ALX1: variants seen among roughly 807,000 people sequenced by gnomAD.
The protein encoded by ALX1 is ALX homeobox protein 1.
In ALX1, 19 loss-of-function variants were observed where a neutral mutation model predicts 31.7. The ratio of observed to expected loss-of-function variants is 0.60; its 90% CI spans 0.42 to 0.88. The LOEUF (loss-of-function observed/expected upper bound fraction) is 0.88. Ranked by LOEUF, ALX1 falls within the 40% of genes least tolerant of loss-of-function variation. The pLI is 0.00. For missense variants in ALX1, 415 were observed against 407.8 expected, an observed-to-expected ratio of 1.02 and a Z score of -0.15; for synonymous variants, 153 against 148.8, an observed-to-expected ratio of 1.03 and a Z score of -0.20.
intron 1 of ALX1, among the ~76,000 whole-genome samples, chr12:85,283,310 CAT>C (rs1896703296): frequency 6.6e-6 from 1 of 152,114 alleles, no homozygotes; most frequent in Non-Finnish European, 1.5e-5. Flanking sequence ...AAGTAAAAAA[CAT>C]GTGCATAAAC....
In ALX1 at chr12:85,300,749, T is replaced by A. The variant is rs563202024; in HGVS notation, c.661-406T>A. Among the ~76,000 whole-genome samples the A allele has an allele frequency of 1.1e-3, 169 of 152,206 alleles. 1 individual carries two copies. Among genetic ancestry groups the A allele is most frequent in the African/African-American group, 2.8e-3 (116 of 41,546 alleles). On this transcript the variant is annotated intron_variant, in intron 3 of 3. Coordinates refer to ENST00000316824, the MANE Select transcript of ALX1 (RefSeq NM_006982.3). The stretch of plus-strand genomic sequence containing the variant: ...CAGGAGTCCCAGTTAGAATTTTTTT[T>A]AAAAATGCATTTGTGTCATTTTGTT...
chr12:85,294,226 TA>T (rs1253636157), intron 3 of ALX1, among the ~76,000 whole-genome samples: 1 of 151,170 alleles, frequency 6.6e-6, no homozygotes, highest in Admixed American at 6.6e-5. Context: ...TTTTTATCTT[TA>T]TTTCTTATAT....
chr12:85,287,422 AC>A, intron 3 of ALX1, among the ~76,000 whole-genome samples: 1 of 149,024 alleles, frequency 6.7e-6, no homozygotes, highest in South Asian at 2.1e-4. Flanking sequence ...TAAGCCCTTA[AC>A]TCCATTTAAA....
chr12:85,290,234 C>T (rs980322347), intron 3 of ALX1, among the ~76,000 whole-genome samples: 1 of 151,142 alleles, frequency 6.6e-6, no homozygotes, highest in Admixed American at 6.6e-5. Flanking sequence ...ATAGTAGCAA[C>T]AGCTGTAACA....
intron 2 of ALX1, 27 bp downstream of exon 2, chr12:85,283,903 G>T: frequency 6.2e-7 from 1 of 1,609,022 alleles, no homozygotes; most frequent in African/African-American, 1.3e-5. Context: ...GGCCTTGATG[G>T]ATGGGATAGG....
intron 3 of ALX1, among the ~76,000 whole-genome samples, chr12:85,294,679 G>A (rs553691936): frequency 9.9e-5 from 15 of 150,834 alleles, no homozygotes; most frequent in Non-Finnish European, 1.5e-4. Context: ...ATTAAGCTTC[G>A]TGCTTTTAAT....
At position 85,286,289 on chromosome 12, in the gene ALX1, T is replaced by C. The variant is rs184446671; in HGVS notation, c.532-564T>C. ...CTCATTTTTTCCTATTTCTAGATAA[T>C]CATGATGTTCCTGCTGCTGCCATAT... is the stretch of plus-strand genomic sequence containing the variant. On this transcript the variant is annotated intron_variant, in intron 2 of 3. Transcript: ENST00000316824. Among the ~76,000 whole-genome samples, 4 of 152,058 alleles carry C rather than the reference T, an allele frequency of 2.6e-5. No individual in the cohort carries two copies. In the East Asian group the frequency reaches 7.7e-4, roughly 29 times the overall value.
At chr12:85,295,047 A>T (rs10779154) in intron 3 of ALX1, among the ~76,000 whole-genome samples, 148,296 of 151,240 alleles carry the variant, frequency 0.98, 72,773 homozygotes, top group Middle Eastern at 1. Flanking sequence ...ATCTAATGAG[A>T]AGACACTGAT....
intron 2 of ALX1, among the ~76,000 whole-genome samples, chr12:85,286,068 C>T (rs1896742488): frequency 6.6e-6 from 1 of 151,750 alleles, no homozygotes; most frequent in Non-Finnish European, 1.5e-5. Flanking sequence ...TTCTATCTGC[C>T]CTATTTCTTA....
intron 1 of ALX1, among the ~76,000 whole-genome samples, chr12:85,280,700 G>A (rs1376728369): frequency 6.6e-6 from 1 of 152,192 alleles, no homozygotes; most frequent in Non-Finnish European, 1.5e-5. Flanking sequence ...GAGAGATCCA[G>A]CACCGGGTTG....
At chr12:85,298,664 G>A (rs1056892332) in intron 3 of ALX1, among the ~76,000 whole-genome samples, 1 of 151,534 alleles carries the variant, frequency 6.6e-6, no homozygotes, top group Non-Finnish European at 1.5e-5. Flanking sequence ...TCTACCTATG[G>A]GAATAAATGA....
At chr12:85,289,894 G>C (rs1896796337) in intron 3 of ALX1, among the ~76,000 whole-genome samples, 1 of 151,136 alleles carries the variant, frequency 6.6e-6, no homozygotes, top group Non-Finnish European at 1.5e-5. Flanking sequence ...ATAGGAACTT[G>C]TAATGGGAGA....
At chr12:85,300,096 T>C (rs73165951) in intron 3 of ALX1, among the ~76,000 whole-genome samples, 4,249 of 152,086 alleles carry the variant, frequency 0.028, 96 homozygotes, top group Non-Finnish European at 0.045. Context: ...CTCCTGCCAT[T>C]TGTCATGATT....
At position 85,280,317 on chromosome 12, in the gene ALX1, A is replaced by T; in HGVS notation, c.56A>T (p.Asp19Val). Residue 19 changes from aspartate (D) to valine (V), a missense_variant, in exon 1 of 4, where the codon GAC (aspartate) becomes GTC (valine). Physicochemically the swap from Asp to Val is radical, Grantham distance 152. Coordinates refer to ENST00000316824, the MANE Select transcript of ALX1 (RefSeq NM_006982.3). ...AAGAGCCCTCCGAGTAAAAACAGTGACTTTTACATGGGCGCAGGAGGTCCT... is the reference window on the plus strand; with the variant it reads ...AAGAGCCCTCCGAGTAAAAACAGTGTCTTTTACATGGGCGCAGGAGGTCCT... The part of the protein sequence containing the change: ...ALKSPPSKNS[D>V]FYMGAGGPLE... The T allele has an allele frequency of 6.2e-7, 1 of 1,613,784 alleles. No individual in the cohort carries two copies. The highest frequency in any genetic ancestry group is 1.1e-5 in the South Asian group (1 of 91,080).
chr12:85,289,036 A>G (rs558844039), intron 3 of ALX1, among the ~76,000 whole-genome samples: 2 of 151,512 alleles, frequency 1.3e-5, no homozygotes, highest in South Asian at 4.1e-4. Context: ...AGTATATTCC[A>G]CAACACTTGA....
chr12:85,295,773 T>A (rs1393803696), intron 3 of ALX1, among the ~76,000 whole-genome samples: 1 of 151,472 alleles, frequency 6.6e-6, no homozygotes, highest in Admixed American at 6.6e-5. Flanking sequence ...ATATGATCGA[T>A]GTTGGTGGCA....
chr12:85,283,165 C>T (rs1435967766), intron 1 of ALX1, among the ~76,000 whole-genome samples: 1 of 152,160 alleles, frequency 6.6e-6, no homozygotes, highest in East Asian at 1.9e-4. Flanking sequence ...TTCTGAGCCA[C>T]ATTAGTAGCT....
intron 2 of ALX1, among the ~76,000 whole-genome samples, chr12:85,285,426 C>T (rs529095923): frequency 7.2e-5 from 11 of 152,052 alleles, no homozygotes; most frequent in African/African-American, 9.6e-5. Context: ...GGCTCATCTG[C>T]GGAGACAGCA....
intron 1 of ALX1, among the ~76,000 whole-genome samples, chr12:85,280,871 G>T (rs1198872312): frequency 6.6e-6 from 1 of 152,026 alleles, no homozygotes; most frequent in African/African-American, 2.4e-5. Flanking sequence ...CAGTCCGGGC[G>T]GTAGGAACTG....
Sources: gnomAD v4.1 joint callset for allele counts (sites outside exome capture counted in the v4.1 genomes callset) on GRCh38, gnomAD v4.1.1 for gene constraint, MANE v1.5 for transcripts, NCBI Gene and HGNC (gene_info 2026-07-23, HGNC 2026-07-21) for gene names.